Variants in DGLUCY observed in about 807,000 individuals in gnomAD.
DGLUCY encodes the protein D-glutamate cyclase.
A neutral mutation model predicts 58.5 loss-of-function variants in DGLUCY; 58 were observed. The ratio of observed to expected loss-of-function variants is 0.99; its 90% confidence interval spans 0.80 to 1.23. The LOEUF is 1.23. DGLUCY is among the 50% of genes most tolerant of loss of function. DGLUCY has a pLI of 0.00. For synonymous variants in DGLUCY, 325 were observed against 314.1 expected (o/e 1.03, Z -0.37); for missense variants, 779 against 784.7 (o/e 0.99, Z 0.09).
At chr14:91,078,798 C>T (rs1034538824) in intron 1 of DGLUCY, among the ~76,000 whole-genome samples, 2 of 151,988 alleles carry the variant, frequency 1.3e-5, no homozygotes, top group African/African-American at 4.8e-5. Context: ...CTTTAACTGT[C>T]CAGGGACAAC....
At chr14:91,074,616 A>T (rs1267471499) in intron 1 of DGLUCY, among the ~76,000 whole-genome samples, 2 of 152,178 alleles carry the variant, frequency 1.3e-5, no homozygotes, top group Non-Finnish European at 2.9e-5. Flanking sequence ...AACCATAATT[A>T]AGTATTCCAC....
At chr14:91,099,310 A>C (rs2140079934) in intron 1 of DGLUCY, among the ~76,000 whole-genome samples, 1 of 152,312 alleles carries the variant, frequency 6.6e-6, no homozygotes, top group South Asian at 2.1e-4. Flanking sequence ...AGGCAGGCAG[A>C]TCACTTGAGG....
At chr14:91,147,428 A>G (rs2047069184) in intron 1 of DGLUCY, among the ~76,000 whole-genome samples, 1 of 152,184 alleles carries the variant, frequency 6.6e-6, no homozygotes, top group South Asian at 2.1e-4. Context: ...GCAGTACAGA[A>G]TAGGGCCCAG....
At chr14:91,109,956 A>G (rs907934057), upstream of DGLUCY, among the ~76,000 whole-genome samples, 1 of 152,230 alleles carries the variant, frequency 6.6e-6, no homozygotes, top group African/African-American at 2.4e-5. Flanking sequence ...CTGTTGGCTC[A>G]CTGAATCCCT....
In DGLUCY at chr14:91,224,981, C is replaced by T. The variant is rs1228423909; in HGVS notation, c.*148C>T. The stretch of plus-strand genomic sequence containing the variant: ...CGCCTGGCCTGGGAAACTGCATGCC[C>T]ACTTTCTGGGAGGGGTTAGTGCAGG... On this transcript the variant is annotated 3_prime_UTR_variant, in exon 14 of 14. Coordinates refer to ENST00000256324, the MANE Select transcript of DGLUCY (RefSeq NM_001102368.3). 3.3e-6 allele frequency: 3 copies of T among 916,856 alleles called. No homozygotes were observed. The highest frequency in any genetic ancestry group is 5.9e-5 in the East Asian group (2 of 34,166). 56.8% of individuals were successfully genotyped at this position (916,856 alleles called of 1,614,324 possible).
At chr14:91,147,395 G>A (rs1329691186) in intron 1 of DGLUCY, among the ~76,000 whole-genome samples, 1 of 152,154 alleles carries the variant, frequency 6.6e-6, no homozygotes, top group African/African-American at 2.4e-5. Context: ...TGATATGGTG[G>A]TTTTCAGTTT....
intron 1 of DGLUCY, among the ~76,000 whole-genome samples, chr14:91,079,157 G>T (rs1302047156): frequency 6.6e-6 from 1 of 151,866 alleles, no homozygotes; most frequent in Admixed American, 6.6e-5. Flanking sequence ...GCCCGCCTTG[G>T]TCTCCCAAAG....
rs2050209577 is a variant in DGLUCY, at chr14:91,196,357, C to T, written c.1196-18C>T. On this transcript the variant is annotated intron_variant, in intron 9 of 13. Coordinates refer to ENST00000256324, the MANE Select transcript of DGLUCY (RefSeq NM_001102368.3). Reference sequence around the variant, plus strand: ...AACACTAGAGCTGATGTGTGCCCTGCTTGCCTTTATTTTCAAGGTGTTCTG... The same window carrying T: ...AACACTAGAGCTGATGTGTGCCCTGTTTGCCTTTATTTTCAAGGTGTTCTG... The T allele has an allele frequency of 1.9e-6, 3 of 1,609,222 alleles. No individual in the cohort carries two copies. Among genetic ancestry groups the T allele is most frequent in the Non-Finnish European group, 8.5e-7 (1 of 1,175,882 alleles).
intron 12 of DGLUCY, among the ~76,000 whole-genome samples, chr14:91,208,222 A>G (rs1260775169): frequency 6.6e-6 from 1 of 152,232 alleles, no homozygotes; most frequent in Non-Finnish European, 1.5e-5. Context: ...GTTAGAAGAA[A>G]TTCTTCAGAG....
intron 13 of DGLUCY, among the ~76,000 whole-genome samples, chr14:91,224,366 A>C (rs1887921416): frequency 6.6e-6 from 1 of 152,168 alleles, no homozygotes; most frequent in Non-Finnish European, 1.5e-5. Context: ...CATCTCTAAA[A>C]ACGGACAATC....
chr14:91,070,581 AC>A (rs1278150420), intron 1 of DGLUCY, among the ~76,000 whole-genome samples: 1 of 152,204 alleles, frequency 6.6e-6, no homozygotes, highest in Non-Finnish European at 1.5e-5. Flanking sequence ...TTATAGAACA[AC>A]AAAAGAGGAA....
At chr14:91,103,216 T>C (rs1430648126), upstream of DGLUCY, among the ~76,000 whole-genome samples, 1 of 152,090 alleles carries the variant, frequency 6.6e-6, no homozygotes, top group Non-Finnish European at 1.5e-5. Flanking sequence ...ATCCACGCAC[T>C]CCATGCTGCT....
At chr14:91,149,946 T>G (rs765052206) in intron 1 of DGLUCY, among the ~76,000 whole-genome samples, 1 of 152,006 alleles carries the variant, frequency 6.6e-6, no homozygotes, top group Non-Finnish European at 1.5e-5. Context: ...TTGGGCTGGG[T>G]GCGGTGGCTC....
intron 1 of DGLUCY, among the ~76,000 whole-genome samples, chr14:91,120,881 T>C (rs1180260119): frequency 6.6e-6 from 1 of 152,222 alleles, no homozygotes; most frequent in Non-Finnish European, 1.5e-5. Flanking sequence ...ACAGAGGGTC[T>C]CTGAGGGATG....
chr14:91,130,111 G>A (rs978724463), intron 1 of DGLUCY, among the ~76,000 whole-genome samples: 9 of 152,058 alleles, frequency 5.9e-5, no homozygotes, highest in Admixed American at 2.0e-4. Flanking sequence ...CCACTCTATG[G>A]GATAATGCTA....
chr14:91,152,993 G>T (rs1436171088), intron 1 of DGLUCY, among the ~76,000 whole-genome samples: 12 of 152,118 alleles, frequency 7.9e-5, no homozygotes, highest in Admixed American at 7.9e-4. Context: ...GGAAGAAGGA[G>T]CCTGGGTTAT....
intron 1 of DGLUCY, among the ~76,000 whole-genome samples, chr14:91,064,984 T>C (rs1255969973): frequency 1.3e-5 from 2 of 152,212 alleles, no homozygotes; most frequent in African/African-American, 4.8e-5. Flanking sequence ...TTTAATCTTA[T>C]TTTCAAATAA....
At chr14:91,192,796 T>C (rs561298860) in intron 9 of DGLUCY, among the ~76,000 whole-genome samples, 11 of 152,264 alleles carry the variant, frequency 7.2e-5, no homozygotes, top group African/African-American at 2.6e-4. Flanking sequence ...AGAGTAAAAC[T>C]GTGTCTCAAA....
intron 9 of DGLUCY, among the ~76,000 whole-genome samples, chr14:91,195,359 TACA>T (rs1195182355): frequency 1.3e-5 from 2 of 152,252 alleles, no homozygotes; most frequent in Non-Finnish European, 2.9e-5. Context: ...CCACATATTC[TACA>T]ACAATACGTG....
Sources: gnomAD v4.1 joint callset for allele counts (sites outside exome capture counted in the v4.1 genomes callset) on GRCh38, gnomAD v4.1.1 for gene constraint, MANE v1.5 for transcripts, NCBI Gene and HGNC (gene_info 2026-07-23, HGNC 2026-07-21) for gene names.